Variants in HCRTR2 observed in about 807,000 individuals in gnomAD.
HCRTR2 encodes the protein orexin receptor type 2.
In HCRTR2, 22 loss-of-function variants were observed where a neutral mutation model predicts 49.0. That is an observed-to-expected ratio of 0.45 (90% confidence interval 0.32 to 0.64). The LOEUF (loss-of-function observed/expected upper bound fraction) is 0.64. Among genes scored for constraint, HCRTR2 ranks in the 30% least tolerant of loss-of-function variants. The probability of loss-of-function intolerance (pLI) is 0.04; values close to 1 mark genes in which losing one functional copy is unlikely to be tolerated. For synonymous variants in HCRTR2, 236 were observed against 205.3 expected, an observed-to-expected ratio of 1.15 and a Z score of -1.28; for missense variants, 491 against 559.4, an observed-to-expected ratio of 0.88 and a Z score of 1.23.
chr6:55,136,089 A>G (rs1427249827), intron 1 of HCRTR2, among the ~76,000 whole-genome samples: 1 of 152,134 alleles, frequency 6.6e-6, no homozygotes, highest in East Asian at 1.9e-4. Flanking sequence ...TAGATTAGGG[A>G]ATAGGGTTTA....
chr6:55,263,656 AAAG>A (rs1338826825), intron 3 of HCRTR2, 48 bp from the exon 4 acceptor site: 1 of 935,094 alleles, frequency 1.1e-6, no homozygotes, highest in Admixed American at 1.8e-5. Context: ...ATCTTTTTTA[AAAG>A]TCCATCAATT....
chr6:55,236,287 A>G (rs1028889006), intron 1 of HCRTR2, among the ~76,000 whole-genome samples: 4 of 151,840 alleles, frequency 2.6e-5, no homozygotes, highest in Non-Finnish European at 4.4e-5. Context: ...TGCATTTTCT[A>G]GTTGTTTTTA....
chr6:55,261,550 G>A (rs1311932379), intron 3 of HCRTR2, among the ~76,000 whole-genome samples: 1 of 152,020 alleles, frequency 6.6e-6, no homozygotes, highest in Admixed American at 6.6e-5. Flanking sequence ...GATTACAGAC[G>A]TGAGCCTGTA....
intron 1 of HCRTR2, among the ~76,000 whole-genome samples, chr6:55,210,929 A>C (rs1304436773): frequency 6.6e-6 from 1 of 152,164 alleles, no homozygotes; most frequent in Admixed American, 6.6e-5. Flanking sequence ...GTTTTGGTCA[A>C]CGACAGACTG....
At chr6:55,142,817 G>A (rs1764525911) in intron 1 of HCRTR2, among the ~76,000 whole-genome samples, 1 of 149,690 alleles carries the variant, frequency 6.7e-6, no homozygotes, top group African/African-American at 2.5e-5. Context: ...TTCTATACAA[G>A]GAAACACCTA....
chr6:55,156,972 A>G (rs1764739955), intron 1 of HCRTR2, among the ~76,000 whole-genome samples: 1 of 152,192 alleles, frequency 6.6e-6, no homozygotes, highest in Admixed American at 6.5e-5. Flanking sequence ...ATTTTCCCCT[A>G]AGATCAGAAA....
chr6:55,135,893 A>G (rs1249998001), intron 1 of HCRTR2, among the ~76,000 whole-genome samples: 1 of 152,180 alleles, frequency 6.6e-6, no homozygotes, highest in Admixed American at 6.6e-5. Flanking sequence ...AAATTTGGTG[A>G]TAACTTGAGG....
chr6:55,201,039 A>T (rs1210525849), intron 1 of HCRTR2, among the ~76,000 whole-genome samples: 9 of 152,156 alleles, frequency 5.9e-5, no homozygotes, highest in African/African-American at 2.2e-4. Context: ...GCATACATTC[A>T]TGGGTAGAGA....
At chr6:55,168,353 A>T (rs1181244715) in intron 1 of HCRTR2, among the ~76,000 whole-genome samples, 2 of 152,180 alleles carry the variant, frequency 1.3e-5, no homozygotes, top group African/African-American at 4.8e-5. Flanking sequence ...CTTTGTTAAG[A>T]ATTAAAACTA....
chr6:55,163,473 A>C (rs1764835251), intron 1 of HCRTR2, among the ~76,000 whole-genome samples: 1 of 152,152 alleles, frequency 6.6e-6, no homozygotes, highest in Admixed American at 6.5e-5. Flanking sequence ...ATAACCCCAG[A>C]CATCTACAAC....
At position 55,181,945 on chromosome 6, in the gene HCRTR2, C is replaced by G. The variant is rs985268291; in HGVS notation, c.223+7135C>G. ...GTTTATTCTTACAAGTCCTTAAATA[C>G]CCAAAGTTCTTTCAGTTATCATAGT... On this transcript the variant is annotated intron_variant, in intron 1 of 6. Coordinates refer to ENST00000370862, the MANE Select transcript of HCRTR2 (RefSeq NM_001384272.1). Among the ~76,000 whole-genome samples, 5 of 152,128 alleles carry G rather than the reference C, an allele frequency of 3.3e-5. No homozygotes were observed. In the East Asian group the frequency reaches 9.6e-4, roughly 29 times the overall value.
In HCRTR2 at chr6:55,208,133, A is replaced by G. The variant is rs1189827781; in HGVS notation, c.223+33323A>G. On this transcript the variant is annotated intron_variant, in intron 1 of 6. Coordinates refer to ENST00000370862, the MANE Select transcript of HCRTR2 (RefSeq NM_001384272.1). Reference sequence around the variant, plus strand: ...TCTTTTAAACAAGAGCAATTTCTTTACAAAAAGGAGCAGAATTCTTAATTG... The same window carrying G: ...TCTTTTAAACAAGAGCAATTTCTTTGCAAAAAGGAGCAGAATTCTTAATTG... Among the ~76,000 whole-genome samples, 4 of 152,030 alleles carry G rather than the reference A, an allele frequency of 2.6e-5. No individual in the cohort carries two copies. In the East Asian group the frequency reaches 7.7e-4, roughly 29 times the overall value.
Position 55,273,272 on chromosome 6 carries a change from G to A in HCRTR2, c.763-4108G>A, listed in dbSNP as rs149380364. Among the ~76,000 whole-genome samples the A allele has an allele frequency of 1.4e-4, 21 of 152,050 alleles. No homozygotes were observed. The East Asian group carries it at 1.7e-3, about 13-fold the overall frequency. On this transcript the variant is annotated intron_variant, in intron 4 of 6. Transcript: ENST00000370862. Reference sequence around the variant, plus strand: ...GGGGATTATTGTTTCATAGAAGACCGCCAGTGCCTACCAAATATCTGTTAT... The same window carrying A: ...GGGGATTATTGTTTCATAGAAGACCACCAGTGCCTACCAAATATCTGTTAT...
At chr6:55,119,632 T>C (rs1764168226) in intron 1 of HCRTR2, among the ~76,000 whole-genome samples, 1 of 150,302 alleles carries the variant, frequency 6.7e-6, no homozygotes, top group Admixed American at 6.7e-5. Flanking sequence ...GTTTTTTTTT[T>C]TTTGTAAATT....
At chr6:55,193,056 G>A (rs573469236) in intron 1 of HCRTR2, among the ~76,000 whole-genome samples, 1 of 152,196 alleles carries the variant, frequency 6.6e-6, no homozygotes, top group African/African-American at 2.4e-5. Flanking sequence ...CTATTGAATA[G>A]GTATAAACTA....
chr6:55,141,707 C>G (rs1417687348), intron 1 of HCRTR2, among the ~76,000 whole-genome samples: 1 of 151,876 alleles, frequency 6.6e-6, no homozygotes, highest in Non-Finnish European at 1.5e-5. Flanking sequence ...TCTAAAGAAG[C>G]CTAGAGAACA....
At chr6:55,251,398 A>G (rs935039794) in intron 2 of HCRTR2, among the ~76,000 whole-genome samples, 3 of 152,150 alleles carry the variant, frequency 2.0e-5, no homozygotes, top group Admixed American at 6.6e-5. Flanking sequence ...ACTCTTTTGT[A>G]TCTTTAATAA....
At chr6:55,191,278 G>C (rs1581819025) in intron 1 of HCRTR2, among the ~76,000 whole-genome samples, 1 of 152,058 alleles carries the variant, frequency 6.6e-6, no homozygotes, top group South Asian at 2.1e-4. Context: ...TTGCAAAAAA[G>C]TACAAATCAG....
At position 55,147,368 on chromosome 6, in the gene HCRTR2, T is replaced by G. The variant is rs190229135; in HGVS notation, c.-377-26843T>G. Among the ~76,000 whole-genome samples the G allele has an allele frequency of 2.7e-3, 408 of 152,292 alleles. 1 individual carries two copies. Among genetic ancestry groups the G allele is most frequent in the African/African-American group, 9.0e-3 (374 of 41,572 alleles). ...TATGCTAACTAATAAATACAGTGGC[T>G]TAAGAATACTATAAATTTGCACAGA... is the stretch of plus-strand genomic sequence containing the variant. On this transcript the variant is annotated intron_variant, in intron 1 of 7. Transcript: ENST00000615358.
Sources: allele counts gnomAD v4.1 joint callset (sites outside exome capture counted in the v4.1 genomes callset), GRCh38; gene constraint gnomAD v4.1.1; transcripts MANE v1.5; gene names NCBI Gene and HGNC (gene_info 2026-07-23, HGNC 2026-07-21).